The following TBC1D5 variants were observed in gnomAD, a reference collection of about 807,000 sequenced individuals.
The protein encoded by TBC1D5 is TBC1 domain family, member 5.
Under a neutral mutation model 100.3 loss-of-function variants are expected in TBC1D5, and 75 were observed. The observed-to-expected ratio is 0.75, with a 90% CI of 0.62 to 0.91. The LOEUF (loss-of-function observed/expected upper bound fraction) is 0.91, where lower values mean the gene tolerates loss of function less well. Among genes scored for constraint, TBC1D5 ranks in the 40% least tolerant of loss-of-function variants. The pLI is 0.00. For missense variants in TBC1D5, 910 were observed against 942.4 expected (o/e 0.97, Z 0.45); for synonymous variants, 323 against 325.6 (o/e 0.99, Z 0.09).
intron 15 of TBC1D5, among the ~76,000 whole-genome samples, chr3:17,279,293 C>A (rs1234984219): frequency 6.6e-6 from 1 of 152,136 alleles, no homozygotes; most frequent in Non-Finnish European, 1.5e-5. Context: ...ATATGCCCAT[C>A]ATTTAAGATA....
intron 1 of TBC1D5, among the ~76,000 whole-genome samples, chr3:17,729,439 G>A (rs2076382183): frequency 6.6e-6 from 1 of 152,132 alleles, no homozygotes; most frequent in Non-Finnish European, 1.5e-5. Context: ...CGGGCGAGGT[G>A]GCTCACGCCT....
chr3:17,676,020 A>G (rs75254539), intron 1 of TBC1D5, among the ~76,000 whole-genome samples: 462 of 152,238 alleles, frequency 3.0e-3, no homozygotes, highest in Admixed American at 4.8e-3. Context: ...TGCATCAAGA[A>G]AGATTCTCCA....
exon 22 of TBC1D5, chr3:17,160,569 T>C: frequency 1.1e-5 from 2 of 176,410 alleles, no homozygotes; most frequent in East Asian, 2.9e-4. Context: ...AAATAACTAT[T>C]TCTGCTCCTT....
At chr3:17,238,514 G>GC in intron 16 of TBC1D5, 95 bp from the exon 17 acceptor site, 1 of 1,380,692 alleles carries the variant, frequency 7.2e-7, no homozygotes, top group South Asian at 1.6e-5. Flanking sequence ...TGTCTGCTTT[G>GC]AAAAAGGTCA....
intron 2 of TBC1D5, among the ~76,000 whole-genome samples, chr3:17,591,264 A>AAAAAAAAAC (rs1560228217): frequency 1.8e-5 from 2 of 110,696 alleles, no homozygotes; most frequent in Non-Finnish European, 3.7e-5. Context: ...AAAAAAAAAA[A>AAAAAAAAAC]AACAAAAACC....
chr3:17,273,693 G>A (rs1028806257), intron 15 of TBC1D5, among the ~76,000 whole-genome samples: 1 of 151,786 alleles, frequency 6.6e-6, no homozygotes, highest in African/African-American at 2.4e-5. Flanking sequence ...TGTAATCCCA[G>A]CTACTTGGGA....
chr3:17,177,095 G>A (rs527342932), intron 19 of TBC1D5, among the ~76,000 whole-genome samples: 61 of 152,214 alleles, frequency 4.0e-4, no homozygotes, highest in Non-Finnish European at 7.6e-4. Flanking sequence ...AAAGATGATG[G>A]ACTTGGTATT....
chr3:17,325,742 G>A (rs1175107031), intron 13 of TBC1D5, among the ~76,000 whole-genome samples: 2 of 152,174 alleles, frequency 1.3e-5, no homozygotes, highest in Non-Finnish European at 2.9e-5. Context: ...ACAGATCAAT[G>A]ATTACCAGGG....
At chr3:17,626,436 G>T (rs1461940531) in intron 1 of TBC1D5, among the ~76,000 whole-genome samples, 1 of 152,158 alleles carries the variant, frequency 6.6e-6, no homozygotes, top group African/African-American at 2.4e-5. Flanking sequence ...ACATGGCTAA[G>T]AGAGATCCAA....
intron 2 of TBC1D5, among the ~76,000 whole-genome samples, chr3:17,612,376 C>T (rs2061740817): frequency 6.6e-6 from 1 of 151,486 alleles, no homozygotes; most frequent in Non-Finnish European, 1.5e-5. Context: ...TACCTGTAAC[C>T]CCAGCATTTT....
rs1261784848 is a variant in TBC1D5 at position 17,161,160 on chromosome 3, AG to A, written c.2190del (p.Phe731SerfsTer32). On this transcript the variant is annotated frameshift_variant, in exon 22 of 22. Transcript: ENST00000253692. LOFTEE classifies it high-confidence loss of function. ...CGAAGAGGCTGGGCCTGGCCGGAGA[AG>A]GAGCCCCTGGCACTGCTCCCATCAT... 6.2e-7 allele frequency: 1 copy of A among 1,614,232 alleles called. No homozygotes were observed. Among genetic ancestry groups the A allele is most frequent in the East Asian group, 2.2e-5 (1 of 44,882 alleles).
At chr3:17,425,602 C>T (rs1291137955) in intron 4 of TBC1D5, among the ~76,000 whole-genome samples, 1 of 152,142 alleles carries the variant, frequency 6.6e-6, no homozygotes. Flanking sequence ...GTACGCCAGC[C>T]TGGGTGACAG....
intron 1 of TBC1D5, among the ~76,000 whole-genome samples, chr3:17,707,196 A>T (rs1164670019): frequency 6.6e-6 from 1 of 152,082 alleles, no homozygotes; most frequent in Non-Finnish European, 1.5e-5. Context: ...TATTTTTATA[A>T]CACTTTAAGA....
chr3:17,573,279 C>T lies in TBC1D5; in HGVS notation c.-36+50570G>A, dbSNP rs139875796. On this transcript the variant is annotated intron_variant, in intron 2 of 21. Transcript: ENST00000253692. The stretch of plus-strand genomic sequence containing the variant: ...GATATGATCAATTTAGTCCCTTCTT[C>T]TCCCTTACCTCTGACTCTGACTTAA... Among the ~76,000 whole-genome samples the T allele has an allele frequency of 7.8e-3, 1,182 of 152,174 alleles. 15 individuals are homozygous for T. The highest frequency in any genetic ancestry group is 0.013 in the Non-Finnish European group (911 of 67,974).
At chr3:17,732,192 C>T (rs530288672) in intron 1 of TBC1D5, among the ~76,000 whole-genome samples, 1 of 152,158 alleles carries the variant, frequency 6.6e-6, no homozygotes, top group South Asian at 2.1e-4. Context: ...GTGGTGGGCG[C>T]CTGTAATCCC....
intron 3 of TBC1D5, among the ~76,000 whole-genome samples, chr3:17,479,272 A>G (rs141483960): frequency 2.0e-5 from 3 of 152,238 alleles, no homozygotes; most frequent in African/African-American, 7.2e-5. Context: ...GCATGGTAGC[A>G]CATACCTGAA....
Position 17,257,612 on chromosome 3 carries a change from T to A in TBC1D5, c.1331+894A>T, listed in dbSNP as rs547143233. Among the ~76,000 whole-genome samples the A allele has an allele frequency of 3.3e-5, 5 of 152,326 alleles. No individual in the cohort carries two copies. The South Asian group carries it at 1.0e-3, about 32-fold the overall frequency. ...TAACAACATTACACTAAGACAAGGT[T>A]CAAATTTCAAGTTTAAATTTAGCCA... On this transcript the variant is annotated intron_variant, in intron 16 of 21. Coordinates refer to ENST00000253692, the Ensembl canonical transcript of TBC1D5.
At chr3:17,208,965 A>G (rs1489792278) in intron 18 of TBC1D5, among the ~76,000 whole-genome samples, 2 of 152,234 alleles carry the variant, frequency 1.3e-5, no homozygotes, top group African/African-American at 2.4e-5. Flanking sequence ...TATATGTAAC[A>G]CTTACATAAG....
intron 13 of TBC1D5, among the ~76,000 whole-genome samples, chr3:17,343,904 C>T (rs1309633644): frequency 1.3e-5 from 2 of 151,848 alleles, no homozygotes; most frequent in Non-Finnish European, 2.9e-5. Flanking sequence ...TTTGTTGATC[C>T]TTTCAAAAAA....
Sources: gnomAD v4.1 joint callset for allele counts (sites outside exome capture counted in the v4.1 genomes callset) on GRCh38, gnomAD v4.1.1 for gene constraint, MANE v1.5 for transcripts, NCBI Gene and HGNC (gene_info 2026-07-23, HGNC 2026-07-21) for gene names.